ATF3: variants seen among roughly 807,000 people sequenced by gnomAD.
The protein encoded by ATF3 is cyclic AMP-dependent transcription factor ATF-3.
ATF3 carries 10 observed loss-of-function variants against 18.4 expected under a neutral mutation model. That is an observed-to-expected ratio of 0.54 (90% CI 0.34 to 0.92). The LOEUF (loss-of-function observed/expected upper bound fraction) is 0.92. Among genes scored for constraint, ATF3 ranks in the 40% least tolerant of loss-of-function variants. ATF3 has a pLI of 0.02. For missense variants in ATF3, 183 were observed against 222.3 expected (o/e 0.82, Z 1.12); for synonymous variants, 78 against 87.9 (o/e 0.89, Z 0.63).
intron 1 of ATF3, among the ~76,000 whole-genome samples, chr1:212,569,324 T>C (rs1664438648): frequency 6.6e-6 from 1 of 152,236 alleles, no homozygotes; most frequent in South Asian, 2.1e-4. Flanking sequence ...AGACTTTTCA[T>C]CATATACACT....
At chr1:212,591,586 C>T (rs1488262121) in intron 1 of ATF3, among the ~76,000 whole-genome samples, 1 of 152,166 alleles carries the variant, frequency 6.6e-6, no homozygotes, top group East Asian at 1.9e-4. Flanking sequence ...CAGCTGGGCT[C>T]AGCTACGTTT....
At chr1:212,597,807 C>T (rs757563261) in intron 1 of ATF3, among the ~76,000 whole-genome samples, 3 of 152,182 alleles carry the variant, frequency 2.0e-5, no homozygotes, top group Non-Finnish European at 4.4e-5. Flanking sequence ...TTATATAAGT[C>T]ACTATGAGGT....
intron 1 of ATF3, among the ~76,000 whole-genome samples, chr1:212,593,839 A>G (rs1010859283): frequency 6.7e-6 from 1 of 149,514 alleles, no homozygotes; most frequent in Non-Finnish European, 1.5e-5. Flanking sequence ...ATCAGTCACC[A>G]TTCTTAGCCC....
intron 1 of ATF3, among the ~76,000 whole-genome samples, chr1:212,579,864 A>C (rs1012418357): frequency 6.6e-6 from 1 of 152,076 alleles, no homozygotes; most frequent in Non-Finnish European, 1.5e-5. Context: ...AGATTTGTAG[A>C]CTGGGCACAG....
rs1655247419 is a variant in ATF3, at chr1:212,618,899, A to G, written c.349-459A>G. 2.0e-5 allele frequency: 21 copies of G among 1,053,792 alleles called. No individual in the cohort carries two copies. The South Asian group carries it at 2.9e-4, about 14-fold the overall frequency. The allele number at this position is 1,053,792 out of a possible 1,614,324, so 65.3% of individuals were successfully genotyped here. A position where few individuals can be genotyped will look rare whatever the true frequency, so the allele number is the denominator to read the frequency against. On this transcript the variant is annotated intron_variant, in intron 3 of 3. Transcript: ENST00000341491. The surrounding 1 kb of genome is among the most constrained non-coding windows in gnomAD (Gnocchi z 4.4). Reference sequence around the variant, plus strand: ...TTAGCCCAAGTCCCACAGATCCCCAAAAGTTCTGTTGATTGCTTCAGGGGA... The same window carrying G: ...TTAGCCCAAGTCCCACAGATCCCCAGAAGTTCTGTTGATTGCTTCAGGGGA...
chr1:212,588,186 G>A (rs1249923070), intron 1 of ATF3, among the ~76,000 whole-genome samples: 2 of 152,242 alleles, frequency 1.3e-5, no homozygotes, highest in East Asian at 1.9e-4. Flanking sequence ...CAACAGAAGA[G>A]GCTTAGGACT....
chr1:212,569,693 A>G (rs1220607520), intron 1 of ATF3, among the ~76,000 whole-genome samples: 1 of 150,544 alleles, frequency 6.6e-6, no homozygotes, highest in African/African-American at 2.5e-5. Flanking sequence ...CATAATTTTT[A>G]ATGATTGTAC....
intron 1 of ATF3, among the ~76,000 whole-genome samples, chr1:212,568,007 C>A (rs1388739750): frequency 1.3e-5 from 2 of 152,160 alleles, no homozygotes; most frequent in African/African-American, 2.4e-5. Context: ...GAGCCTTGAA[C>A]TTTTGTAGGG....
intron 1 of ATF3, among the ~76,000 whole-genome samples, chr1:212,572,718 A>G (rs1021038608): frequency 1.3e-5 from 2 of 152,196 alleles, no homozygotes; most frequent in African/African-American, 4.8e-5. Flanking sequence ...TGCATTTCCC[A>G]ATAGCATTTT....
chr1:212,597,904 C>T (rs1654359110), intron 1 of ATF3, among the ~76,000 whole-genome samples: 1 of 152,126 alleles, frequency 6.6e-6, no homozygotes, highest in African/African-American at 2.4e-5. Flanking sequence ...TCCTGGATTC[C>T]ATCTCAGCCC....
At chr1:212,578,942 T>C (rs1351871584) in intron 1 of ATF3, among the ~76,000 whole-genome samples, 1 of 151,526 alleles carries the variant, frequency 6.6e-6, no homozygotes, top group Non-Finnish European at 1.5e-5. Flanking sequence ...GCTGTGTCTG[T>C]GTCCTTCCAC....
At chr1:212,616,677 A>C (rs1198143067) in intron 2 of ATF3, among the ~76,000 whole-genome samples, 3 of 152,180 alleles carry the variant, frequency 2.0e-5, no homozygotes, top group East Asian at 3.9e-4. Flanking sequence ...CTGAGTGCAC[A>C]GAAAGGAGGC....
chr1:212,586,050 G>A (rs1267964840), intron 1 of ATF3, among the ~76,000 whole-genome samples: 2 of 152,150 alleles, frequency 1.3e-5, no homozygotes, highest in East Asian at 1.9e-4. Context: ...CAACCCTCTG[G>A]GGTCCTGCCC....
At chr1:212,585,932 T>C (rs1304630565) in intron 1 of ATF3, among the ~76,000 whole-genome samples, 4 of 152,168 alleles carry the variant, frequency 2.6e-5, no homozygotes, top group African/African-American at 9.7e-5. Context: ...CTTTAGTCAT[T>C]GGCACCCATC....
At position 212,618,989 on chromosome 1, in the gene ATF3, A is replaced by G; in HGVS notation, c.349-369A>G. ...TTTTTTCTGGGGAGATGAGCTTCTC[A>G]TTGAGATCTGTGACTCAGAATCGAC... On this transcript the variant is annotated intron_variant, in intron 3 of 3. Coordinates refer to ENST00000341491, the MANE Select transcript of ATF3 (RefSeq NM_001674.4). The surrounding 1 kb of genome is among the most constrained non-coding windows in gnomAD (Gnocchi z 4.4). 3 of 1,608,698 alleles carry G rather than the reference A, an allele frequency of 1.9e-6. No individual in the cohort carries two copies. Among genetic ancestry groups the G allele is most frequent in the East Asian group, 2.2e-5 (1 of 44,852 alleles).
At chr1:212,593,237 C>T (rs1376220130) in intron 1 of ATF3, among the ~76,000 whole-genome samples, 2 of 140,378 alleles carry the variant, frequency 1.4e-5, no homozygotes, top group African/African-American at 5.4e-5. Context: ...GGGAATTGAA[C>T]AGTGAGAACA....
chr1:212,614,386 G>C (rs1655014971), intron 1 of ATF3, among the ~76,000 whole-genome samples: 1 of 152,012 alleles, frequency 6.6e-6, no homozygotes, highest in South Asian at 2.1e-4. Context: ...GTGAAGAAAC[G>C]CACCTGGCTA....
rs556097200 is a variant in ATF3, at chr1:212,593,979, A to G, written c.-4-21039A>G. 3.9e-5 allele frequency among the ~76,000 whole-genome samples: 6 copies of G among 152,336 alleles called. No individual in the cohort carries two copies. The East Asian group carries it at 9.6e-4, about 24-fold the overall frequency. ...CATGTAAGATAGCACCCTATTTCCA[A>G]TTAGTCCTTGAGTTGCCTGCACATG... On this transcript the variant is annotated intron_variant, in intron 1 of 3. Coordinates refer to the ATF3 transcript ENST00000366981.
chr1:212,596,476 G>T (rs1664996974), intron 1 of ATF3, among the ~76,000 whole-genome samples: 1 of 152,240 alleles, frequency 6.6e-6, no homozygotes, highest in South Asian at 2.1e-4. Context: ...TTGTGTGGGA[G>T]TTCATTGCTT....
Sources: allele counts gnomAD v4.1 joint callset (sites outside exome capture counted in the v4.1 genomes callset), GRCh38; gene constraint gnomAD v4.1.1; non-coding constraint Gnocchi (gnomAD v3.1); transcripts MANE v1.5; gene names NCBI Gene and HGNC (gene_info 2026-07-23, HGNC 2026-07-21).